The following UNC79 variants were observed in gnomAD, a reference collection of about 807,000 sequenced individuals.
UNC79 encodes the protein protein unc-79 homolog.
In UNC79, 37 loss-of-function variants were observed where a neutral mutation model predicts 283.1. The observed-to-expected ratio is 0.13, with a 90% CI of 0.10 to 0.17. UNC79 has a LOEUF of 0.17. Among genes scored for constraint, UNC79 ranks in the 10% least tolerant of loss-of-function variants. The pLI, the probability that UNC79 is intolerant of heterozygous loss-of-function variation, is 1.00. For synonymous variants in UNC79, 1,107 were observed against 1,200.2 expected (o/e 0.92, Z 1.61); for missense variants, 2,272 against 3,211.1 (o/e 0.71, Z 7.07).
chr14:93,694,254 C>T (rs1595110729), intron 46 of UNC79, 81 bp from the exon 50 acceptor site: 11 of 1,305,602 alleles, frequency 8.4e-6, no homozygotes, highest in Middle Eastern at 1.9e-4. Context: ...CACAGGACAT[C>T]GGTCTTCTGC....
chr14:93,697,974 C>G (rs1404948536), intron 47 of UNC79, among the ~76,000 whole-genome samples: 1 of 152,170 alleles, frequency 6.6e-6, no homozygotes, highest in African/African-American at 2.4e-5. Flanking sequence ...TCTAACTTCT[C>G]TTTTGCTTTC....
chr14:93,391,232 C>T (rs1278529350), intron 1 of UNC79, among the ~76,000 whole-genome samples: 2 of 150,268 alleles, frequency 1.3e-5, no homozygotes, highest in Non-Finnish European at 3.0e-5. Context: ...ATGTATGGGA[C>T]AAGTGGATAT....
chr14:93,629,207 T>C (rs2067824332), intron 30 of UNC79, among the ~76,000 whole-genome samples: 1 of 151,972 alleles, frequency 6.6e-6, no homozygotes, highest in Non-Finnish European at 1.5e-5. Flanking sequence ...TCACACACAC[T>C]CATATACACA....
At chr14:93,572,857 T>G (rs1199618168) in intron 16 of UNC79, 41 bp downstream of exon 16, 1 of 1,607,794 alleles carries the variant, frequency 6.2e-7, no homozygotes, top group East Asian at 2.2e-5. Flanking sequence ...GAAATAGTTC[T>G]TAGCTTATAA....
chr14:93,361,330 C>T lies in UNC79; in HGVS notation c.-351+27807C>T, dbSNP rs542120922. 7.3e-5 allele frequency among the ~76,000 whole-genome samples: 11 copies of T among 151,346 alleles called. 1 individual carries two copies. The highest frequency in any genetic ancestry group is 4.2e-4 in the South Asian group (2 of 4,758). On this transcript the variant is annotated intron_variant, in intron 1 of 49. Coordinates refer to the UNC79 transcript ENST00000256339. Reference sequence around the variant, plus strand: ...CATTCCTCATTTGGGTGTGTTACTCCGGCCCATTTATTGAGACCCTATCTC... The same window carrying T: ...CATTCCTCATTTGGGTGTGTTACTCTGGCCCATTTATTGAGACCCTATCTC...
At chr14:93,517,129 T>G (rs1489374770) in intron 7 of UNC79, among the ~76,000 whole-genome samples, 1 of 145,976 alleles carries the variant, frequency 6.9e-6, no homozygotes, top group African/African-American at 2.4e-5. Context: ...TAATTTTTTT[T>G]CTTTTCTTTC....
At chr14:93,532,304 A>C (rs2060859190) in intron 10 of UNC79, among the ~76,000 whole-genome samples, 1 of 1,480 alleles carries the variant, frequency 6.8e-4, no homozygotes, top group African/African-American at 3.3e-3. Context: ...CCATGTCTAC[A>C]AAAAAAAAAA....
At chr14:93,540,218 G>A (rs1419758366) in intron 12 of UNC79, among the ~76,000 whole-genome samples, 1 of 152,176 alleles carries the variant, frequency 6.6e-6, no homozygotes, top group African/African-American at 2.4e-5. Context: ...TTTCACTTTC[G>A]TGTCTTTGAA....
chr14:93,634,584 G>A lies in UNC79; in HGVS notation c.5717-2632G>A, dbSNP rs770522803. The A allele has an allele frequency of 1.9e-5, 30 of 1,613,978 alleles. No individual in the cohort carries two copies. The highest frequency in any genetic ancestry group is 5.0e-5 in the Admixed American group (3 of 59,998). On this transcript the variant is annotated intron_variant, in intron 31 of 48. Transcript: ENST00000555664. Reference sequence around the variant, plus strand: ...CTGACAATGAGCCAGTTAATGAAGCGGCAGCTGGAGCATCAGTCTAGCGCC... The same window carrying A: ...CTGACAATGAGCCAGTTAATGAAGCAGCAGCTGGAGCATCAGTCTAGCGCC...
chr14:93,356,010 A>C (rs2054078742), intron 1 of UNC79, among the ~76,000 whole-genome samples: 1 of 149,338 alleles, frequency 6.7e-6, no homozygotes, highest in African/African-American at 2.5e-5. Context: ...CTCTTCAGGA[A>C]TCTATTACTA....
At chr14:93,348,045 TGTG>T (rs770166960) in intron 1 of UNC79, 56 of 1,610,308 alleles carry the variant, frequency 3.5e-5, no homozygotes, top group East Asian at 1.6e-4. Context: ...CTGTTGGACT[TGTG>T]GTGTTTTTTA....
chr14:93,581,695 T>C (rs1229743478), intron 19 of UNC79, among the ~76,000 whole-genome samples: 1 of 151,968 alleles, frequency 6.6e-6, no homozygotes, highest in East Asian at 1.9e-4. Context: ...GGTTTCACCA[T>C]GTTGGTCAGG....
chr14:93,589,683 A>C lies in UNC79; in HGVS notation c.3032+2775A>C, dbSNP rs989494702. Among the ~76,000 whole-genome samples, 14 of 152,256 alleles carry C rather than the reference A, an allele frequency of 9.2e-5. No homozygotes were observed. The South Asian group carries it at 2.3e-3, about 25-fold the overall frequency. ...TCAAAAGAAAGAGGCTGCTAAGAGG[A>C]GGCCTGGAGGAAGTCTTGGGAAGCA... is the stretch of plus-strand genomic sequence containing the variant. On this transcript the variant is annotated intron_variant, in intron 22 of 48. Coordinates refer to ENST00000555664, the Ensembl canonical transcript of UNC79.
At chr14:93,559,926 G>A (rs1241367435) in intron 14 of UNC79, among the ~76,000 whole-genome samples, 1 of 152,080 alleles carries the variant, frequency 6.6e-6, no homozygotes, top group Non-Finnish European at 1.5e-5. Flanking sequence ...GGGTGGCATG[G>A]AGAGATAATG....
chr14:93,600,545 T>A, intron 24 of UNC79, 24 bp from the exon 25 acceptor site: 1 of 1,555,934 alleles, frequency 6.4e-7, no homozygotes, highest in Non-Finnish European at 8.7e-7. Context: ...TTCTTTTCTT[T>A]TTTTTTTTCC....
intron 1 of UNC79, among the ~76,000 whole-genome samples, chr14:93,404,493 A>AAAAAAT: frequency 1.6e-5 from 1 of 61,488 alleles, no homozygotes; most frequent in Admixed American, 2.4e-4. Context: ...TTCTAAAAAA[A>AAAAAAT]ATATATATAT....
In UNC79 at chr14:93,474,295, C is replaced by G. The variant is rs1251402628; in HGVS notation, c.350C>G (p.Ala117Gly). The G allele has an allele frequency of 6.5e-7, 1 of 1,536,090 alleles. No homozygotes were observed. The change falls in exon 3 of 49, where the codon GCT becomes GGT. Residue 117 changes from alanine to glycine, a missense_variant. Around this residue, in one of 11 missense-constraint regions of UNC79, gnomAD observed 194 missense variants for 268.9 expected, o/e 0.72. Transcript: ENST00000555664. The surrounding 1 kb of genome is among the most constrained non-coding windows in gnomAD (Gnocchi z 4.1). ...GAACGCGGCCCGCAAAGTCGTGATG[C>G]TCAGTTGTCAGACTACCCTTCTTTG...
intron 47 of UNC79, among the ~76,000 whole-genome samples, chr14:93,695,603 T>G (rs2075038717): frequency 6.6e-6 from 1 of 151,770 alleles, no homozygotes; most frequent in East Asian, 1.9e-4. Flanking sequence ...CTCCAAAAGT[T>G]TTTTCAGGCC....
chr14:93,430,964 C>T lies in UNC79; in HGVS notation c.-66C>T. On this transcript the variant is annotated 5_prime_UTR_variant, in exon 1 of 49. Coordinates refer to ENST00000555664, the Ensembl canonical transcript of UNC79. This position sits in a 1 kb window ranked among gnomAD's most constrained non-coding sequence, Gnocchi z 4.6. ...ATGCACTCTTTTCCTCGCAACATCGCTGGCGGAGCGAGGGAGCTCACACGA... is the reference window on the plus strand; with the variant it reads ...ATGCACTCTTTTCCTCGCAACATCGTTGGCGGAGCGAGGGAGCTCACACGA... 1 of 697,778 alleles carries T rather than the reference C, an allele frequency of 1.4e-6. No individual in the cohort carries two copies. Among genetic ancestry groups the T allele is most frequent in the Non-Finnish European group, 2.6e-6 (1 of 382,204 alleles). The allele number at this position is 697,778 out of a possible 1,614,324, so 43.2% of individuals were successfully genotyped here. A position where few individuals can be genotyped will look rare whatever the true frequency, so the allele number is the denominator to read the frequency against.
Sources: gnomAD v4.1 joint callset for allele counts (sites outside exome capture counted in the v4.1 genomes callset) on GRCh38, gnomAD v4.1.1 for gene constraint, gnomAD v4.1.1 regional missense constraint, Gnocchi (gnomAD v3.1) non-coding constraint, MANE v1.5 for transcripts, NCBI Gene and HGNC (gene_info 2026-07-23, HGNC 2026-07-21) for gene names.